The following PLRG1 variants were observed in gnomAD, a reference collection of about 807,000 sequenced individuals.
PLRG1 encodes pleiotropic regulator 1 (PRL1 homolog, Arabidopsis).
PLRG1 carries 28 observed loss-of-function variants against 74.9 expected under a neutral mutation model. The observed-to-expected ratio is 0.37, with a 90% confidence interval of 0.28 to 0.51. PLRG1 has a LOEUF of 0.51. Ranked by LOEUF, PLRG1 falls within the 20% of genes least tolerant of loss-of-function variation. The probability of loss-of-function intolerance (pLI) is 0.91; values close to 1 mark genes in which losing one functional copy is unlikely to be tolerated. For synonymous variants in PLRG1, 197 were observed against 212.4 expected, an observed-to-expected ratio of 0.93 and a Z score of 0.63; for missense variants, 445 against 631.9, an observed-to-expected ratio of 0.70 and a Z score of 3.17.
At chr4:154,546,829 T>G in intron 4 of PLRG1, 182 bp downstream of exon 4, 1 of 591,372 alleles carries the variant, frequency 1.7e-6, no homozygotes, top group East Asian at 2.8e-5. Context: ...TTATACGTAC[T>G]TAAGAATGTT....
intron 4 of PLRG1, 63 bp from the exon 5 acceptor site, chr4:154,546,276 A>G: frequency 1.2e-6 from 1 of 835,330 alleles, no homozygotes; most frequent in South Asian, 1.4e-5. Flanking sequence ...ATGCACTTAA[A>G]ATAAAATGAT....
intron 1 of PLRG1, chr4:154,549,564 A>G: frequency 2.5e-6 from 1 of 407,478 alleles, no homozygotes; most frequent in Non-Finnish European, 4.9e-6. Context: ...CAAGGTCCAG[A>G]TTAGGTAAGG....
At chr4:154,543,386 A>G (rs900692361) in intron 7 of PLRG1, among the ~76,000 whole-genome samples, 1 of 152,060 alleles carries the variant, frequency 6.6e-6, no homozygotes, top group African/African-American at 2.4e-5. Context: ...TAGGCTCAAG[A>G]GATGCGCTTG....
intron 13 of PLRG1, 97 bp downstream of exon 13, chr4:154,537,872 C>A: frequency 1.4e-6 from 1 of 701,194 alleles, no homozygotes; most frequent in Non-Finnish European, 2.3e-6. Context: ...TGCTATAATA[C>A]TTAAGTGTGA....
chr4:154,547,426 C>T (rs1023486078), intron 3 of PLRG1: 3 of 506,004 alleles, frequency 5.9e-6, no homozygotes, highest in Non-Finnish European at 1.0e-5. Flanking sequence ...GGTGTCCTCA[C>T]AGGTTAAGAA....
At chr4:154,549,063 T>C (rs768678760) in intron 1 of PLRG1, 128 bp from the exon 2 acceptor site, 2 of 657,478 alleles carry the variant, frequency 3.0e-6, no homozygotes, top group Non-Finnish European at 5.5e-6. Flanking sequence ...CATAGCTACT[T>C]GTTGCAAGCT....
intron 7 of PLRG1, among the ~76,000 whole-genome samples, chr4:154,543,648 T>C (rs1729594901): frequency 6.6e-6 from 1 of 152,168 alleles, no homozygotes; most frequent in African/African-American, 2.4e-5. Flanking sequence ...AGGGTGTTTT[T>C]TGAGGTGGTG....
intron 6 of PLRG1, among the ~76,000 whole-genome samples, chr4:154,545,203 A>G (rs1200705479): frequency 6.6e-6 from 1 of 152,202 alleles, no homozygotes; most frequent in Non-Finnish European, 1.5e-5. Context: ...TGAATGGAAT[A>G]AAGGAGGAAA....
chr4:154,536,492 G>T lies in PLRG1; in HGVS notation c.*193C>A. The T allele has an allele frequency of 1.9e-6, 1 of 538,840 alleles. No individual in the cohort carries two copies. The highest frequency in any genetic ancestry group is 3.3e-6 in the Non-Finnish European group (1 of 307,140). The allele number at this position is 538,840 out of a possible 1,614,324, so 33.4% of individuals were successfully genotyped here. A position where few individuals can be genotyped will look rare whatever the true frequency, so the allele number is the denominator to read the frequency against. On this transcript the variant is annotated 3_prime_UTR_variant, in exon 15 of 15. Coordinates refer to ENST00000499023, the MANE Select transcript of PLRG1 (RefSeq NM_002669.4). Reference sequence around the variant, plus strand: ...CTTCCTAGTATCACAAATTGTTTTAGAAATAAAAACACAGGGGTAGGGGAC... The same window carrying T: ...CTTCCTAGTATCACAAATTGTTTTATAAATAAAAACACAGGGGTAGGGGAC...
intron 1 of PLRG1, chr4:154,549,794 G>A (rs761489122): frequency 1.0e-4 from 47 of 456,620 alleles, no homozygotes; most frequent in Non-Finnish European, 1.8e-4. Context: ...ATGGAGAAGA[G>A]TGAATGGAAT....
intron 3 of PLRG1, 47 bp downstream of exon 3, chr4:154,547,664 T>C (rs566645635): frequency 6.4e-7 from 1 of 1,568,808 alleles, no homozygotes; most frequent in African/African-American, 1.4e-5. Context: ...TTTTCTGTTT[T>C]TAAAATTCAC....
In PLRG1 at chr4:154,550,299, C is replaced by T. The variant is rs1729740793; in HGVS notation, c.9+1G>A. 6.2e-7 allele frequency: 1 copy of T among 1,613,628 alleles called. No individual in the cohort carries two copies. Among genetic ancestry groups the T allele is most frequent in the Non-Finnish European group, 8.5e-7 (1 of 1,179,464 alleles). Reference sequence around the variant, plus strand: ...TCTTGAGAGCCCCAGTGTCACTTTACCTCGACCATGATGCTACCGTGTATC... The same window carrying T: ...TCTTGAGAGCCCCAGTGTCACTTTATCTCGACCATGATGCTACCGTGTATC... On this transcript the variant is annotated splice_donor_variant, in intron 1 of 14. Coordinates refer to ENST00000499023, the MANE Select transcript of PLRG1 (RefSeq NM_002669.4). LOFTEE classifies it high-confidence loss of function.
At chr4:154,538,954 A>C in intron 12 of PLRG1, 151 bp downstream of exon 12, 1 of 571,506 alleles carries the variant, frequency 1.7e-6, no homozygotes, top group South Asian at 2.5e-5. Flanking sequence ...GTGCATGAGG[A>C]AAATAAAAGA....
intron 8 of PLRG1, 151 bp from the exon 9 acceptor site, chr4:154,541,085 C>T (rs1729547917): frequency 2.0e-6 from 1 of 495,466 alleles, no homozygotes; most frequent in Non-Finnish European, 3.4e-6. Flanking sequence ...GACTCCCCTC[C>T]AAATAAAAGC....
chr4:154,542,085 CAG>C, intron 8 of PLRG1, 100 bp downstream of exon 8: 2 of 717,760 alleles, frequency 2.8e-6, no homozygotes, highest in African/African-American at 3.5e-5. Flanking sequence ...TCTAAAATAA[CAG>C]AGGAACTGCA....
chr4:154,545,890 A>G lies in PLRG1; in HGVS notation c.438T>C (p.Ser146=). Residue 146 remains serine (S), a synonymous_variant, in exon 6 of 15, where the codon AGT becomes AGC. Transcript: ENST00000499023. ...ADANRTAPSG[S]EYRHPGASDR... ...CAGAAGCCCCAGGATGTCGGTATTCACTTCCACTAGGGGCAGTACGATTTG... is the reference window on the plus strand; with the variant it reads ...CAGAAGCCCCAGGATGTCGGTATTCGCTTCCACTAGGGGCAGTACGATTTG... 1.2e-6 allele frequency: 2 copies of G among 1,612,666 alleles called. No homozygotes were observed. The highest frequency in any genetic ancestry group is 8.5e-7 in the Non-Finnish European group (1 of 1,178,830).
chr4:154,546,730 T>C, intron 4 of PLRG1: 1 of 464,840 alleles, frequency 2.2e-6, no homozygotes, highest in Non-Finnish European at 3.9e-6. Context: ...TTAGTGATAT[T>C]TACATGTCTG....
At position 154,536,702 on chromosome 4, in the gene PLRG1, T is replaced by C; in HGVS notation, c.1528A>G (p.Lys510Glu). 6.6e-7 allele frequency: 1 copy of C among 1,522,962 alleles called. No individual in the cohort carries two copies. The highest frequency in any genetic ancestry group is 9.0e-7 in the Non-Finnish European group (1 of 1,114,412). The allele number at this position is 1,522,962 out of a possible 1,614,324, so 94.3% of individuals were successfully genotyped here. ...HPVSWKPEII[K>E]RKRF Reference sequence around the variant, plus strand: ...CACATTCATTAAAATCTCTTTCTCTTGATAATTTCTGGTTTCCAGCTGACT... The same window carrying C: ...CACATTCATTAAAATCTCTTTCTCTCGATAATTTCTGGTTTCCAGCTGACT... Residue 510 changes from lysine to glutamate, a missense_variant, in exon 15 of 15, where the codon AAG becomes GAG. By Grantham distance (56) the Lys-to-Glu change is moderately conservative (BLOSUM62 1). Around this residue, in one of 3 missense-constraint regions of PLRG1, gnomAD observed 221 missense variants for 377.7 expected, o/e 0.59. Transcript: ENST00000499023.
At chr4:154,547,646 T>A in intron 3 of PLRG1, 65 bp downstream of exon 3, 1 of 1,462,662 alleles carries the variant, frequency 6.8e-7, no homozygotes, top group East Asian at 2.3e-5. Flanking sequence ...AAAAATAACA[T>A]ATTTTATTTT....
Sources: gnomAD v4.1 joint callset for allele counts (sites outside exome capture counted in the v4.1 genomes callset) on GRCh38, gnomAD v4.1.1 for gene constraint, gnomAD v4.1.1 regional missense constraint, MANE v1.5 for transcripts, NCBI Gene and HGNC (gene_info 2026-07-23, HGNC 2026-07-21) for gene names.